NCKAP5: variants seen among roughly 807,000 people sequenced by gnomAD.
NCKAP5 encodes the protein NCK associated protein 5, also known as nck-associated protein 5.
In NCKAP5, 92 loss-of-function variants were observed where a neutral mutation model predicts 167.0. The observed-to-expected ratio is 0.55, with a 90% CI of 0.47 to 0.66. NCKAP5 has a LOEUF of 0.66. Ranked by LOEUF, NCKAP5 falls within the 30% of genes least tolerant of loss-of-function variation. NCKAP5 has a pLI of 0.00. For missense variants in NCKAP5, 2,378 were observed against 2,315.0 expected (o/e 1.03, Z -0.56); for synonymous variants, 891 against 877.4 (o/e 1.02, Z -0.27).
chr2:133,137,030 T>C (rs899375875), intron 5 of NCKAP5, among the ~76,000 whole-genome samples: 22 of 152,224 alleles, frequency 1.4e-4, no homozygotes, highest in Non-Finnish European at 2.9e-4. Context: ...AACTAGTTTT[T>C]AATGGGAAAA....
At chr2:133,526,580 C>T (rs1043206151) in intron 2 of NCKAP5, among the ~76,000 whole-genome samples, 10 of 152,072 alleles carry the variant, frequency 6.6e-5, no homozygotes, top group Non-Finnish European at 1.5e-5. Context: ...AATGTATGAA[C>T]TAAGAATGAA....
At chr2:133,375,464 T>A (rs1686079710) in intron 3 of NCKAP5, among the ~76,000 whole-genome samples, 1 of 152,196 alleles carries the variant, frequency 6.6e-6, no homozygotes, top group South Asian at 2.1e-4. Flanking sequence ...CATGGGTACA[T>A]GTGAAGGATG....
intron 2 of NCKAP5, among the ~76,000 whole-genome samples, chr2:133,543,728 C>T (rs1396367033): frequency 6.6e-6 from 1 of 152,238 alleles, no homozygotes; most frequent in Non-Finnish European, 1.5e-5. Context: ...AAATCAGCCT[C>T]ACATGCTCCT....
intron 16 of NCKAP5, among the ~76,000 whole-genome samples, chr2:132,737,545 G>A (rs1256350552): frequency 1.3e-5 from 2 of 152,004 alleles, no homozygotes; most frequent in East Asian, 3.9e-4. Flanking sequence ...ATTTCCACTG[G>A]GGATTTTCAA....
intron 5 of NCKAP5, among the ~76,000 whole-genome samples, chr2:133,149,436 C>T (rs1457983004): frequency 6.6e-6 from 1 of 152,104 alleles, no homozygotes; most frequent in African/African-American, 2.4e-5. Context: ...AAGTACCACT[C>T]CCATCCCCAC....
intron 10 of NCKAP5, among the ~76,000 whole-genome samples, chr2:132,864,621 G>A (rs1208753262): frequency 6.6e-6 from 1 of 152,214 alleles, no homozygotes; most frequent in African/African-American, 2.4e-5. Flanking sequence ...ACCTATAGGA[G>A]TACAGTTACT....
intron 3 of NCKAP5, among the ~76,000 whole-genome samples, chr2:133,502,590 C>T (rs1682623001): frequency 2.0e-5 from 3 of 152,186 alleles, no homozygotes; most frequent in Admixed American, 6.5e-5. Flanking sequence ...ATGTCTACAT[C>T]ATATCCTTGA....
intron 4 of NCKAP5, among the ~76,000 whole-genome samples, chr2:133,262,552 C>T (rs1393808285): frequency 6.6e-6 from 1 of 152,254 alleles, no homozygotes; most frequent in East Asian, 1.9e-4. Flanking sequence ...ATTTATGCCA[C>T]CTACTCTCTG....
At chr2:133,067,471 A>G (rs1437535479) in intron 6 of NCKAP5, among the ~76,000 whole-genome samples, 1 of 152,258 alleles carries the variant, frequency 6.6e-6, no homozygotes, top group South Asian at 2.1e-4. Context: ...GAGCTGGCCT[A>G]TGCAGTAGTC....
intron 3 of NCKAP5, among the ~76,000 whole-genome samples, chr2:133,448,295 AG>A (rs5834361): frequency 0.033 from 4,982 of 151,862 alleles, 120 homozygotes; most frequent in Admixed American, 0.079. Flanking sequence ...ACAATTTAAA[AG>A]CTTCCGGAAA....
At chr2:133,404,248 A>T (rs752920232) in intron 3 of NCKAP5, among the ~76,000 whole-genome samples, 1 of 152,220 alleles carries the variant, frequency 6.6e-6, no homozygotes, top group Non-Finnish European at 1.5e-5. Context: ...TACAGGCCTA[A>T]ATTGAGCAAC....
At chr2:132,933,933 G>A (rs112884613) in intron 8 of NCKAP5, among the ~76,000 whole-genome samples, 18 of 152,268 alleles carry the variant, frequency 1.2e-4, no homozygotes, top group East Asian at 9.7e-4. Flanking sequence ...ATAAATTGTC[G>A]AGAGCATCAG....
chr2:133,236,070 C>CAAAAAAAAAAAAA lies in NCKAP5; in HGVS notation c.144-22304_144-22292dup, dbSNP rs527705526. ...GACAAATCAAGACCCTGTCTCAGAC[C>CAAAAAAAAAAAAA]AAAAAAAAAAAAAAAAAAAAAAAAA... On this transcript the variant is annotated intron_variant, in intron 4 of 19. Coordinates refer to ENST00000409261, the MANE Select transcript of NCKAP5 (RefSeq NM_207363.3). 9.6e-4 allele frequency among the ~76,000 whole-genome samples: 15 copies of CAAAAAAAAAAAAA among 15,678 alleles called. 1 individual carries two copies. The highest frequency in any genetic ancestry group is 2.0e-3 in the African/African-American group (14 of 7,084). The allele number at this position is 15,678 out of a possible 152,430, so 10.3% of individuals were successfully genotyped here. A position where few individuals can be genotyped will look rare whatever the true frequency, so the allele number is the denominator to read the frequency against.
At chr2:133,281,872 G>T (rs2089948508) in intron 4 of NCKAP5, among the ~76,000 whole-genome samples, 1 of 152,186 alleles carries the variant, frequency 6.6e-6, no homozygotes, top group Non-Finnish European at 1.5e-5. Context: ...GCTGCTGGTT[G>T]CCATGCAAGA....
chr2:133,567,663 G>C (rs1379577142), intron 1 of NCKAP5, among the ~76,000 whole-genome samples: 11 of 94,844 alleles, frequency 1.2e-4, no homozygotes, highest in South Asian at 6.2e-4. Context: ...GAGCCTGTGT[G>C]TGTGTGTGTG....
chr2:132,681,173 G>A (rs1196677041), intron 19 of NCKAP5, among the ~76,000 whole-genome samples: 6 of 151,868 alleles, frequency 4.0e-5, no homozygotes, highest in Admixed American at 6.6e-5. Flanking sequence ...ATTTATGCAG[G>A]AATGATAATT....
At chr2:133,215,619 T>C (rs1415629525) in intron 4 of NCKAP5, among the ~76,000 whole-genome samples, 2 of 152,210 alleles carry the variant, frequency 1.3e-5, no homozygotes, top group East Asian at 1.9e-4. Context: ...AGTTACATGA[T>C]GGAATACTAT....
chr2:132,700,015 C>T (rs868583421), intron 19 of NCKAP5, among the ~76,000 whole-genome samples: 4 of 152,122 alleles, frequency 2.6e-5, no homozygotes, highest in South Asian at 2.1e-4. Flanking sequence ...TGTTAATGAT[C>T]GCCATTCTAA....
At chr2:133,060,168 C>T (rs1340149273) in intron 6 of NCKAP5, among the ~76,000 whole-genome samples, 2 of 152,156 alleles carry the variant, frequency 1.3e-5, no homozygotes, top group Non-Finnish European at 2.9e-5. Flanking sequence ...AACTTTAAAG[C>T]TATTTTAGAC....
Sources: allele counts gnomAD v4.1 joint callset (sites outside exome capture counted in the v4.1 genomes callset), GRCh38; gene constraint gnomAD v4.1.1; transcripts MANE v1.5; gene names NCBI Gene and HGNC (gene_info 2026-07-23, HGNC 2026-07-21).